The following ERICH3 variants were observed in gnomAD, a reference collection of about 807,000 sequenced individuals.
ERICH3 encodes the protein glutamate rich 3.
Under a neutral mutation model 131.1 loss-of-function variants are expected in ERICH3, and 126 were observed. The observed-to-expected ratio is 0.96, with a 90% CI of 0.83 to 1.11. The LOEUF (loss-of-function observed/expected upper bound fraction) is 1.11. Among genes scored for constraint, ERICH3 ranks in the 50% most tolerant of loss-of-function variants. The pLI is 0.00. For synonymous variants in ERICH3, 695 were observed against 644.6 expected (o/e 1.08, Z -1.18); for missense variants, 2,050 against 1,810.7 (o/e 1.13, Z -2.40).
Position 74,571,739 on chromosome 1 carries a change from C to T in ERICH3, c.3971G>A (p.Gly1324Glu), listed in dbSNP as rs935786581. 1.4e-5 allele frequency: 22 copies of T among 1,614,024 alleles called. No homozygotes were observed. The highest frequency in any genetic ancestry group is 1.9e-5 in the Non-Finnish European group (22 of 1,180,022). The change falls in exon 14 of 15, where the codon GGA (glycine) becomes GAA (glutamate). Residue 1324 changes from glycine to glutamate, a missense_variant. Transcript: ENST00000326665. The stretch of plus-strand genomic sequence containing the variant: ...CATGCCCTCATTCTTTTGTGTGTTT[C>T]CTTCTCCTTCCATGTCCCCGTCCCC... ...SEGDGDMEGE[G>E]NTQKNEGMGG...
At chr1:74,656,720 T>C (rs1289935882) in intron 1 of ERICH3, among the ~76,000 whole-genome samples, 7 of 152,150 alleles carry the variant, frequency 4.6e-5, no homozygotes, top group African/African-American at 1.7e-4. Flanking sequence ...TCTGGCAAAC[T>C]CCCTCATTTT....
intron 1 of ERICH3, among the ~76,000 whole-genome samples, chr1:74,661,338 C>T (rs1646639490): frequency 1.3e-5 from 2 of 152,096 alleles, no homozygotes; most frequent in Non-Finnish European, 2.9e-5. Context: ...ATAAAAAGAG[C>T]AAGTGTGCTA....
At chr1:74,656,446 T>G (rs972569274) in intron 1 of ERICH3, among the ~76,000 whole-genome samples, 2 of 152,178 alleles carry the variant, frequency 1.3e-5, no homozygotes, top group African/African-American at 4.8e-5. Context: ...AGTCATCGCA[T>G]GGCGGAAGGT....
In ERICH3 at chr1:74,595,148, CTA is replaced by C. The variant is rs1382027624; in HGVS notation, c.1726+4545_1726+4546del. Among the ~76,000 whole-genome samples, 15 of 151,974 alleles carry C rather than the reference CTA, an allele frequency of 9.9e-5. No homozygotes were observed. In the East Asian group the frequency reaches 2.9e-3, roughly 29 times the overall value. On this transcript the variant is annotated intron_variant, in intron 11 of 14. Coordinates refer to ENST00000326665, the MANE Select transcript of ERICH3 (RefSeq NM_001002912.5). ...ATGACACATGAATTTATATATCCTA[CTA>C]TTAGTTGTATAAATAGTTCTGTCTT...
At chr1:74,612,584 C>A in intron 9 of ERICH3, 39 bp downstream of exon 9, 1 of 1,471,412 alleles carries the variant, frequency 6.8e-7, no homozygotes, top group Non-Finnish European at 9.1e-7. Context: ...AAAAATGTAG[C>A]AAAACTTGCC....
intron 12 of ERICH3, among the ~76,000 whole-genome samples, chr1:74,583,558 T>C (rs964203442): frequency 6.6e-6 from 1 of 152,072 alleles, no homozygotes; most frequent in African/African-American, 2.4e-5. Flanking sequence ...AGGTTAACCA[T>C]GAGTAACTGA....
chr1:74,633,548 A>G (rs568592268), intron 6 of ERICH3, among the ~76,000 whole-genome samples: 1 of 152,106 alleles, frequency 6.6e-6, no homozygotes, highest in Admixed American at 6.6e-5. Context: ...AAAAAAATTA[A>G]CATGTTGTTC....
At chr1:74,591,201 T>A (rs1647584129) in intron 11 of ERICH3, among the ~76,000 whole-genome samples, 1 of 152,130 alleles carries the variant, frequency 6.6e-6, no homozygotes, top group Non-Finnish European at 1.5e-5. Flanking sequence ...GAAGCTGAGA[T>A]GAAGATTCAT....
intron 7 of ERICH3, among the ~76,000 whole-genome samples, chr1:74,627,121 G>A (rs1649444885): frequency 6.6e-6 from 1 of 152,134 alleles, no homozygotes; most frequent in African/African-American, 2.4e-5. Context: ...AATGTAAAAT[G>A]TGTGACTCTC....
In ERICH3 at chr1:74,568,984, C is replaced by G. The variant is rs1646904481; in HGVS notation, c.*1474G>C. On this transcript the variant is annotated 3_prime_UTR_variant, in exon 15 of 15. Transcript: ENST00000326665. ...ATGCTGATGTGCTGATGCTTCTGAT[C>G]AAGGGACCAGTCTACTATCTGGTCC... 6.6e-6 allele frequency: 1 copy of G among 152,034 alleles called. No individual in the cohort carries two copies. Among genetic ancestry groups the G allele is most frequent in the Non-Finnish European group, 1.5e-5 (1 of 68,004 alleles). The allele number at this position is 152,034 out of a possible 1,614,324, so 9.4% of individuals were successfully genotyped here.
At chr1:74,602,766 A>C (rs1269952063) in intron 10 of ERICH3, among the ~76,000 whole-genome samples, 1 of 151,948 alleles carries the variant, frequency 6.6e-6, no homozygotes, top group East Asian at 1.9e-4. Context: ...AAAAAAGAAA[A>C]TGAAAAGCTT....
chr1:74,671,869 C>G (rs1398060261), intron 1 of ERICH3, among the ~76,000 whole-genome samples: 1 of 152,164 alleles, frequency 6.6e-6, no homozygotes, highest in Non-Finnish European at 1.5e-5. Context: ...GTGAAGGGAT[C>G]AGAGAAATTA....
intron 9 of ERICH3, among the ~76,000 whole-genome samples, chr1:74,609,836 T>C (rs1648598675): frequency 6.6e-6 from 1 of 152,116 alleles, no homozygotes; most frequent in African/African-American, 2.4e-5. Flanking sequence ...GATATTATTA[T>C]TTGAAAAGGT....
At chr1:74,634,702 T>C (rs753582525) in intron 6 of ERICH3, 1 of 710,312 alleles carries the variant, frequency 1.4e-6, no homozygotes, top group African/African-American at 1.8e-5. Context: ...AAGTACTATC[T>C]AGGGGAGAGG....
intron 1 of ERICH3, among the ~76,000 whole-genome samples, chr1:74,652,928 C>T (rs1387787835): frequency 6.6e-6 from 1 of 152,070 alleles, no homozygotes; most frequent in Non-Finnish European, 1.5e-5. Context: ...AAACAGTCTC[C>T]GAGGAAACAG....
chr1:74,631,624 T>C, intron 7 of ERICH3, 89 bp downstream of exon 7: 1 of 1,118,448 alleles, frequency 8.9e-7, no homozygotes, highest in Non-Finnish European at 1.3e-6. Flanking sequence ...TGCAATTTCC[T>C]CCAAATTCTT....
chr1:74,669,762 C>A (rs754470642), intron 1 of ERICH3, among the ~76,000 whole-genome samples: 6 of 152,182 alleles, frequency 3.9e-5, no homozygotes, highest in Non-Finnish European at 5.9e-5. Flanking sequence ...AGGCCCTTTG[C>A]AATTTTTACA....
At chr1:74,596,503 G>A (rs1346567475) in intron 11 of ERICH3, among the ~76,000 whole-genome samples, 1 of 151,784 alleles carries the variant, frequency 6.6e-6, no homozygotes. Flanking sequence ...TTCTCTTCTA[G>A]CTATTTTGAA....
chr1:74,641,272 A>G (rs1646434963), intron 5 of ERICH3, 59 bp downstream of exon 5: 7 of 1,579,230 alleles, frequency 4.4e-6, no homozygotes, highest in African/African-American at 1.4e-5. Flanking sequence ...TTCTGAGAAT[A>G]AGAAATAATA....
Sources: allele counts gnomAD v4.1 joint callset (sites outside exome capture counted in the v4.1 genomes callset), GRCh38; gene constraint gnomAD v4.1.1; transcripts MANE v1.5; gene names NCBI Gene and HGNC (gene_info 2026-07-23, HGNC 2026-07-21).